TEX9: variants seen among roughly 807,000 people sequenced by gnomAD.
TEX9 encodes the protein testis expressed 9, also known as testis-expressed protein 9.
A neutral mutation model predicts 59.6 loss-of-function variants in TEX9; 74 were observed. That is an observed-to-expected ratio of 1.24 (90% CI 1.03 to 1.51). The LOEUF is 1.51. Among genes scored for constraint, TEX9 ranks in the 40% most tolerant of loss-of-function variants. The probability of loss-of-function intolerance (pLI) is 0.00; values close to 1 mark genes in which losing one functional copy is unlikely to be tolerated. For missense variants in TEX9, 522 were observed against 447.8 expected (o/e 1.17, Z -1.49); for synonymous variants, 186 against 152.2 (o/e 1.22, Z -1.64).
intron 9 of TEX9, among the ~76,000 whole-genome samples, chr15:56,401,329 A>AAAAC (rs1237736695): frequency 1.8e-3 from 265 of 150,366 alleles, no homozygotes; most frequent in Middle Eastern, 0.014. Flanking sequence ...AAAAAAAAAA[A>AAAAC]AAACAGGGGT....
chr15:56,282,509 G>C (rs1418567124), intron 1 of TEX9, among the ~76,000 whole-genome samples: 1 of 152,066 alleles, frequency 6.6e-6, no homozygotes, highest in African/African-American at 2.4e-5. Flanking sequence ...TGCAATAAAG[G>C]TGAACCAGAA....
At chr15:56,367,416 A>G (rs1212024977) in intron 2 of TEX9, among the ~76,000 whole-genome samples, 2 of 152,168 alleles carry the variant, frequency 1.3e-5, no homozygotes, top group African/African-American at 4.8e-5. Context: ...TTAGAATGCT[A>G]CTTCCCAGGG....
intron 1 of TEX9, among the ~76,000 whole-genome samples, chr15:56,271,145 G>C (rs1477435330): frequency 9.2e-5 from 14 of 152,088 alleles, no homozygotes; most frequent in Non-Finnish European, 8.8e-5. Flanking sequence ...GTATCTTTGT[G>C]GTGGTCTCTG....
At chr15:56,335,582 G>C (rs1264260444) in intron 1 of TEX9, among the ~76,000 whole-genome samples, 1 of 152,130 alleles carries the variant, frequency 6.6e-6, no homozygotes, top group Non-Finnish European at 1.5e-5. Context: ...GACAATATTT[G>C]CTAGCATAAC....
intron 1 of TEX9, among the ~76,000 whole-genome samples, chr15:56,293,361 T>C (rs1359434006): frequency 6.6e-6 from 1 of 151,838 alleles, no homozygotes; most frequent in Admixed American, 6.6e-5. Context: ...CAGTCCCTTC[T>C]TTGCCATCTA....
chr15:56,394,814 C>T lies in TEX9; in HGVS notation c.808C>T (p.Gln270Ter), dbSNP rs781006173. The change falls in exon 9 of 13, where the codon CAG (glutamine) becomes TAG (stop). Residue 270 changes from glutamine to a stop codon, truncating the protein, a stop_gained. Coordinates refer to ENST00000352903, the Ensembl canonical transcript of TEX9. LOFTEE classifies it high-confidence loss of function. ...CAAAAAGTATGATGGATTACAGCAA[C>T]AGTTGTCTTCAGTAGAAAGGGTAAT... 14 of 1,608,764 alleles carry T rather than the reference C, an allele frequency of 8.7e-6. No homozygotes were observed. Among genetic ancestry groups the T allele is most frequent in the Non-Finnish European group, 1.2e-5 (14 of 1,178,570 alleles).
chr15:56,367,388 T>C (rs781549747), intron 2 of TEX9, among the ~76,000 whole-genome samples: 5 of 152,200 alleles, frequency 3.3e-5, no homozygotes, highest in Non-Finnish European at 5.9e-5. Flanking sequence ...TTGCCACCTG[T>C]TGTCTTGGCA....
chr15:56,281,481 C>T (rs2713944), intron 1 of TEX9, among the ~76,000 whole-genome samples: 4,933 of 152,262 alleles, frequency 0.032, 185 homozygotes, highest in East Asian at 0.093. Flanking sequence ...CTAGGTTGTG[C>T]GCTCCTTATG....
intron 9 of TEX9, among the ~76,000 whole-genome samples, chr15:56,406,658 T>G (rs1482169357): frequency 6.6e-6 from 1 of 152,180 alleles, no homozygotes; most frequent in African/African-American, 2.4e-5. Context: ...GAAGTAGTAG[T>G]ATCTCATTGT....
At chr15:56,434,957 CT>C (rs2140332133) in intron 12 of TEX9, among the ~76,000 whole-genome samples, 1 of 152,142 alleles carries the variant, frequency 6.6e-6, no homozygotes, top group Admixed American at 6.6e-5. Flanking sequence ...CAGTTAAGTC[CT>C]TTCCTATAAG....
intron 1 of TEX9, among the ~76,000 whole-genome samples, chr15:56,321,145 G>A (rs1468496353): frequency 6.6e-6 from 1 of 152,174 alleles, no homozygotes; most frequent in Non-Finnish European, 1.5e-5. Context: ...AGAGTTCCTA[G>A]TAGATGCGAA....
intron 1 of TEX9, among the ~76,000 whole-genome samples, chr15:56,250,266 C>T (rs759249983): frequency 1.3e-5 from 2 of 152,102 alleles, no homozygotes; most frequent in Admixed American, 6.5e-5. Context: ...CAGTGAATGG[C>T]GTAGCTAATA....
At chr15:56,431,920 T>C (rs1258771036) in intron 12 of TEX9, among the ~76,000 whole-genome samples, 1 of 151,904 alleles carries the variant, frequency 6.6e-6, no homozygotes, top group African/African-American at 2.4e-5. Context: ...TATATAAAGA[T>C]GATATGAAGC....
intron 1 of TEX9, among the ~76,000 whole-genome samples, chr15:56,340,981 T>C (rs2046362191): frequency 6.6e-6 from 1 of 152,180 alleles, no homozygotes; most frequent in Admixed American, 6.5e-5. Flanking sequence ...GAAGTAGGTC[T>C]ATTTAGAATA....
intron 1 of TEX9, among the ~76,000 whole-genome samples, chr15:56,316,993 C>G (rs2045786610): frequency 1.3e-5 from 2 of 152,210 alleles, no homozygotes. Context: ...GAGGCAATGC[C>G]TCGCCCTGCT....
chr15:56,247,281 G>T (rs2043882058), intron 1 of TEX9, among the ~76,000 whole-genome samples: 1 of 152,216 alleles, frequency 6.6e-6, no homozygotes, highest in African/African-American at 2.4e-5. Context: ...CCAACTTGAA[G>T]TAGTTTACAT....
At chr15:56,342,198 C>A (rs767311092) in intron 1 of TEX9, among the ~76,000 whole-genome samples, 20 of 152,128 alleles carry the variant, frequency 1.3e-4, no homozygotes, top group Non-Finnish European at 2.5e-4. Context: ...AGTAACTAAT[C>A]TATGCCAGGC....
chr15:56,439,039 G>C (rs1567149412), intron 12 of TEX9, among the ~76,000 whole-genome samples: 1 of 152,056 alleles, frequency 6.6e-6, no homozygotes. Flanking sequence ...CAGAAGACAT[G>C]CCTGACTATG....
chr15:56,252,025 A>C (rs1412397585), intron 1 of TEX9, among the ~76,000 whole-genome samples: 1 of 152,124 alleles, frequency 6.6e-6, no homozygotes, highest in Non-Finnish European at 1.5e-5. Context: ...AGAGTCTTAC[A>C]CATAAAGTTA....
Sources: allele counts gnomAD v4.1 joint callset (sites outside exome capture counted in the v4.1 genomes callset), GRCh38; gene constraint gnomAD v4.1.1; transcripts MANE v1.5; gene names NCBI Gene and HGNC (gene_info 2026-07-23, HGNC 2026-07-21).